EYS: variants seen among roughly 807,000 people sequenced by gnomAD.
The protein encoded by EYS is EGF-like photoreceptor maintenance factor, also known as protein eyes shut homolog.
In EYS, 250 loss-of-function variants were observed where a neutral mutation model predicts 282.1. That is an observed-to-expected ratio of 0.89 (90% confidence interval 0.80 to 0.98). The LOEUF (loss-of-function observed/expected upper bound fraction) is 0.98. Ranked by LOEUF, EYS falls within the 50% of genes least tolerant of loss-of-function variation. The probability of loss-of-function intolerance (pLI) is 0.00; values close to 1 mark genes in which losing one functional copy is unlikely to be tolerated. For synonymous variants in EYS, 1,355 were observed against 1,282.9 expected (o/e 1.06, Z -1.20); for missense variants, 4,016 against 3,709.0 (o/e 1.08, Z -2.15).
chr6:64,689,135 A>G (rs1247826352), intron 22 of EYS, among the ~76,000 whole-genome samples: 1 of 152,214 alleles, frequency 6.6e-6, no homozygotes, highest in African/African-American at 2.4e-5. Context: ...TCAGGATACA[A>G]AATCAATGTG....
intron 5 of EYS, among the ~76,000 whole-genome samples, chr6:65,425,037 T>C (rs1208356848): frequency 3.3e-5 from 5 of 152,096 alleles, no homozygotes; most frequent in African/African-American, 7.2e-5. Context: ...TATAATTATA[T>C]GTGCAATTCA....
At chr6:65,402,637 G>T in intron 6 of EYS, 32 bp from the exon 7 acceptor site, 1 of 1,440,320 alleles carries the variant, frequency 6.9e-7, no homozygotes, top group Non-Finnish European at 9.7e-7. Flanking sequence ...TTTTTACAAA[G>T]TATTATGGAT....
chr6:64,727,526 T>A (rs1240566027), intron 22 of EYS, among the ~76,000 whole-genome samples: 1 of 152,212 alleles, frequency 6.6e-6, no homozygotes, highest in African/African-American at 2.4e-5. Context: ...GAAGCTACTT[T>A]TTTCTCTTTA....
intron 31 of EYS, among the ~76,000 whole-genome samples, chr6:64,130,458 C>A (rs981761172): frequency 6.6e-6 from 1 of 152,102 alleles, no homozygotes; most frequent in African/African-American, 2.4e-5. Flanking sequence ...GGAAAGGGAA[C>A]ATCACACACT....
chr6:64,122,689 G>T (rs112238056), intron 31 of EYS, among the ~76,000 whole-genome samples: 1,876 of 152,120 alleles, frequency 0.012, 35 homozygotes, highest in African/African-American at 0.043. Context: ...ATATTTTAAA[G>T]AATTTGAGAA....
chr6:64,849,472 C>T (rs968734809), intron 19 of EYS, among the ~76,000 whole-genome samples: 1 of 151,924 alleles, frequency 6.6e-6, no homozygotes, highest in Non-Finnish European at 1.5e-5. Flanking sequence ...AGTCACTTAT[C>T]CTTCAGTAGA....
chr6:64,098,903 G>T (rs114318049), intron 31 of EYS, among the ~76,000 whole-genome samples: 1 of 151,968 alleles, frequency 6.6e-6, no homozygotes, highest in Non-Finnish European at 1.5e-5. Context: ...GCACCTGGCC[G>T]TAATGTTTTA....
intron 12 of EYS, among the ~76,000 whole-genome samples, chr6:65,221,298 C>T (rs1562030926): frequency 6.6e-6 from 1 of 152,094 alleles, no homozygotes; most frequent in African/African-American, 2.4e-5. Context: ...CATAGCAGCC[C>T]CTCCCATCAC....
intron 8 of EYS, among the ~76,000 whole-genome samples, chr6:65,365,591 G>A (rs1211718402): frequency 3.3e-5 from 5 of 151,582 alleles, no homozygotes; most frequent in Non-Finnish European, 7.4e-5. Flanking sequence ...CAAAGCCTAA[G>A]GTAAGATCAT....
At chr6:65,305,180 T>A (rs943149223) in intron 11 of EYS, among the ~76,000 whole-genome samples, 13 of 151,474 alleles carry the variant, frequency 8.6e-5, no homozygotes, top group African/African-American at 2.4e-4. Context: ...TTATCATCTT[T>A]TGAGAAAAAA....
Position 65,442,997 on chromosome 6 carries a change from T to C in EYS, c.863-37630A>G, listed in dbSNP as rs778840572. Among the ~76,000 whole-genome samples, 142 of 138,586 alleles carry C rather than the reference T, an allele frequency of 1.0e-3. 1 individual carries two copies. Among genetic ancestry groups the C allele is most frequent in the Non-Finnish European group, 1.8e-3 (112 of 60,804 alleles). The allele number at this position is 138,586 out of a possible 152,430, so 90.9% of individuals were successfully genotyped here. A position where few individuals can be genotyped will look rare whatever the true frequency, so the allele number is the denominator to read the frequency against. On this transcript the variant is annotated intron_variant, in intron 5 of 42. Coordinates refer to ENST00000503581, the MANE Select transcript of EYS (RefSeq NM_001142800.2). ...GTATATATACATATGTGCGTATATGTATATATGTACACATATCTGTAAATA... is the reference window on the plus strand; with the variant it reads ...GTATATATACATATGTGCGTATATGCATATATGTACACATATCTGTAAATA...
chr6:64,600,886 T>A (rs557108731), intron 24 of EYS, among the ~76,000 whole-genome samples: 1 of 152,252 alleles, frequency 6.6e-6, no homozygotes, highest in African/African-American at 2.4e-5. Context: ...TTATCTAAAC[T>A]TTTCATTCTT....
chr6:63,839,540 G>C (rs963952798), intron 36 of EYS, among the ~76,000 whole-genome samples: 3 of 151,854 alleles, frequency 2.0e-5, no homozygotes, highest in African/African-American at 7.3e-5. Context: ...ATAGAAACAG[G>C]GTCTCACTAT....
At chr6:64,877,137 A>G (rs978877991) in intron 19 of EYS, among the ~76,000 whole-genome samples, 1 of 152,148 alleles carries the variant, frequency 6.6e-6, no homozygotes, top group Non-Finnish European at 1.5e-5. Flanking sequence ...GATGCAGCCA[A>G]TGGGATTTGC....
intron 5 of EYS, among the ~76,000 whole-genome samples, chr6:65,468,090 G>T (rs1765074149): frequency 6.6e-6 from 1 of 151,898 alleles, no homozygotes; most frequent in African/African-American, 2.4e-5. Context: ...AAGAACTAAG[G>T]GCAGCTCAGG....
intron 12 of EYS, among the ~76,000 whole-genome samples, chr6:65,213,037 T>G (rs1032735370): frequency 6.6e-6 from 1 of 152,192 alleles, no homozygotes; most frequent in African/African-American, 2.4e-5. Flanking sequence ...CTTTATTTTT[T>G]TTTCCTTTGA....
chr6:64,579,065 G>A (rs1562072512), intron 26 of EYS, among the ~76,000 whole-genome samples: 2 of 152,074 alleles, frequency 1.3e-5, no homozygotes, highest in South Asian at 2.1e-4. Flanking sequence ...GGAGAAGCAA[G>A]TTCTTCTCCT....
At chr6:65,611,297 T>C (rs988904459) in intron 2 of EYS, among the ~76,000 whole-genome samples, 12 of 151,948 alleles carry the variant, frequency 7.9e-5, no homozygotes, top group East Asian at 1.9e-4. Flanking sequence ...TTCTGTATAA[T>C]TGCAATTTAA....
chr6:64,218,154 C>T (rs1314991503), intron 31 of EYS, among the ~76,000 whole-genome samples: 2 of 152,090 alleles, frequency 1.3e-5, no homozygotes, highest in Non-Finnish European at 2.9e-5. Flanking sequence ...CCTAGGATGA[C>T]CCCAGTTCCC....
Sources: gnomAD v4.1 joint callset for allele counts (sites outside exome capture counted in the v4.1 genomes callset) on GRCh38, gnomAD v4.1.1 for gene constraint, MANE v1.5 for transcripts, NCBI Gene and HGNC (gene_info 2026-07-23, HGNC 2026-07-21) for gene names.